The following ABCB9 variants were observed in gnomAD, a reference collection of about 807,000 sequenced individuals.
The protein encoded by ABCB9 is ABC-type oligopeptide transporter ABCB9.
ABCB9 carries 36 observed loss-of-function variants against 62.0 expected under a neutral mutation model. The observed-to-expected ratio is 0.58, with a 90% CI of 0.45 to 0.77. The LOEUF is 0.77. Among genes scored for constraint, ABCB9 ranks in the 30% least tolerant of loss-of-function variants. The pLI is 0.00. For missense variants in ABCB9, 943 were observed against 1,054.7 expected, an observed-to-expected ratio of 0.89 and a Z score of 1.47; for synonymous variants, 435 against 461.4, an observed-to-expected ratio of 0.94 and a Z score of 0.73.
At chr12:122,942,696 C>G (rs1160488453) in intron 7 of ABCB9, among the ~76,000 whole-genome samples, 1 of 151,154 alleles carries the variant, frequency 6.6e-6, no homozygotes, top group African/African-American at 2.4e-5. Flanking sequence ...CCCAGCTACT[C>G]AAGTGGCTAA....
At chr12:122,936,733 T>C (rs895955696) in intron 9 of ABCB9, among the ~76,000 whole-genome samples, 2 of 151,830 alleles carry the variant, frequency 1.3e-5, no homozygotes, top group African/African-American at 4.8e-5. Context: ...GGAGAAACTC[T>C]GTCTCTACTA....
intron 1 of ABCB9, chr12:122,973,311 T>C (rs1261317363): frequency 6.6e-6 from 1 of 152,130 alleles, no homozygotes; most frequent in African/African-American, 2.4e-5. Context: ...ACGCCTGTAA[T>C]CCCAGCACTT....
At chr12:122,935,182 A>G in intron 10 of ABCB9, 90 bp downstream of exon 10, 1 of 1,394,492 alleles carries the variant, frequency 7.2e-7, no homozygotes, top group Non-Finnish European at 9.4e-7. Context: ...AAAAAAGAGC[A>G]GGTGGCAGGG....
At position 122,944,644 on chromosome 12, in the gene ABCB9, G is replaced by A. The variant is rs1296948928; in HGVS notation, c.1252-125C>T. The A allele has an allele frequency of 7.3e-7, 1 of 1,374,840 alleles. No homozygotes were observed. The highest frequency in any genetic ancestry group is 9.8e-7 in the Non-Finnish European group (1 of 1,020,628). The allele number at this position is 1,374,840 out of a possible 1,614,324, so 85.2% of individuals were successfully genotyped here. A position where few individuals can be genotyped will look rare whatever the true frequency, so the allele number is the denominator to read the frequency against. On this transcript the variant is annotated intron_variant, in intron 6 of 11. Transcript: ENST00000280560. This position sits in a 1 kb window ranked among gnomAD's most constrained non-coding sequence, Gnocchi z 4.9. ...GACCCAGCCACAAACTGAAATGCCG[G>A]CCGTTGGCAGGGGTGTCTTCCAAGG...
At chr12:122,939,945 T>A in intron 9 of ABCB9, 166 bp downstream of exon 9, 1 of 998,624 alleles carries the variant, frequency 1.0e-6, no homozygotes, top group East Asian at 2.8e-5. Context: ...AGCCACCACG[T>A]CTGGACAAGA....
chr12:122,949,550 G>C (rs1286664108), intron 4 of ABCB9, among the ~76,000 whole-genome samples: 1 of 152,202 alleles, frequency 6.6e-6, no homozygotes, highest in African/African-American at 2.4e-5. Flanking sequence ...CTCCTGCAGG[G>C]ACCTCGGGTG....
At chr12:122,935,850 A>C (rs893484166) in intron 9 of ABCB9, among the ~76,000 whole-genome samples, 1 of 152,202 alleles carries the variant, frequency 6.6e-6, no homozygotes, top group Admixed American at 6.5e-5. Flanking sequence ...CCTCCCTTCT[A>C]AGAGAACAAT....
chr12:122,947,587 TGCCTGTCTGAACCCA>T lies in ABCB9; in HGVS notation c.1053+1022_1053+1036del. 1 of 382,764 alleles carries T rather than the reference TGCCTGTCTGAACCCA, an allele frequency of 2.6e-6. No individual in the cohort carries two copies. Among genetic ancestry groups the T allele is most frequent in the Non-Finnish European group, 5.4e-6 (1 of 184,576 alleles). 23.7% of individuals were successfully genotyped at this position (382,764 alleles called of 1,614,324 possible). On this transcript the variant is annotated intron_variant, in intron 5 of 11. Coordinates refer to ENST00000280560, the MANE Select transcript of ABCB9 (RefSeq NM_019625.4). This position sits in a 1 kb window ranked among gnomAD's most constrained non-coding sequence, Gnocchi z 6.0. Reference sequence around the variant, plus strand: ...TGTACCTGTCACAGGGTCACAGCCCTGCCTGTCTGAACCCAGCCTGTCTGTCCCTTAGGGCTCGGG... The same window carrying T: ...TGTACCTGTCACAGGGTCACAGCCCTGCCTGTCTGTCCCTTAGGGCTCGGG...
chr12:122,965,909 C>T (rs2037147362), intron 1 of ABCB9, among the ~76,000 whole-genome samples: 1 of 152,230 alleles, frequency 6.6e-6, no homozygotes, highest in Admixed American at 6.5e-5. Context: ...CTGCCAAAGC[C>T]CTGGTGCTCA....
At chr12:122,954,210 T>G (rs1246896551) in intron 2 of ABCB9, among the ~76,000 whole-genome samples, 1 of 151,946 alleles carries the variant, frequency 6.6e-6, no homozygotes, top group East Asian at 1.9e-4. Flanking sequence ...TTTTATGTAT[T>G]TTTTTTATTT....
At position 122,964,967 on chromosome 12, in the gene ABCB9, T is replaced by C. The variant is rs889909340; in HGVS notation, c.-88+1320A>G. Among the ~76,000 whole-genome samples, 3 of 152,112 alleles carry C rather than the reference T, an allele frequency of 2.0e-5. No homozygotes were observed. The highest frequency in any genetic ancestry group is 4.4e-5 in the Non-Finnish European group (3 of 68,018). ...AAGGCCAGAAGACGATAGATAGCAG[T>C]TATTATGACGCTGCAACAGAGACCC... On this transcript the variant is annotated intron_variant, in intron 1 of 11. Coordinates refer to ENST00000280560, the MANE Select transcript of ABCB9 (RefSeq NM_019625.4). The surrounding 1 kb of genome is among the most constrained non-coding windows in gnomAD (Gnocchi z 4.7).
Position 122,940,370 on chromosome 12 carries a change from C to G in ABCB9, c.1570-86G>C. The stretch of plus-strand genomic sequence containing the variant: ...CTGACCTTGGACACAGGTGGGTGCC[C>G]TTCCCAGCCCACCCCATGTGCCTCT... On this transcript the variant is annotated intron_variant, in intron 8 of 11. Coordinates refer to ENST00000280560, the MANE Select transcript of ABCB9 (RefSeq NM_019625.4). The surrounding 1 kb of genome is among the most constrained non-coding windows in gnomAD (Gnocchi z 4.8). The G allele has an allele frequency of 6.8e-7, 1 of 1,460,554 alleles. No homozygotes were observed. The highest frequency in any genetic ancestry group is 2.3e-5 in the East Asian group (1 of 42,736). 90.5% of individuals were successfully genotyped at this position (1,460,554 alleles called of 1,614,324 possible). A position where few individuals can be genotyped will look rare whatever the true frequency, so the allele number is the denominator to read the frequency against.
intron 7 of ABCB9, among the ~76,000 whole-genome samples, chr12:122,941,540 C>G (rs2035763000): frequency 6.6e-6 from 1 of 151,990 alleles, no homozygotes; most frequent in South Asian, 2.1e-4. Context: ...AACTCCTGAC[C>G]TTAAGTGATC....
chr12:122,946,014 G>T lies in ABCB9; in HGVS notation c.1251+11C>A. 1 of 1,612,774 alleles carries T rather than the reference G, an allele frequency of 6.2e-7. No homozygotes were observed. Among genetic ancestry groups the T allele is most frequent in the South Asian group, 1.1e-5 (1 of 90,944 alleles). ...CTCCACAGCCAGAGCTGCCTGGCCA[G>T]GGGCACGTACCCCGCTGCCCCAGAC... On this transcript the variant is annotated intron_variant, in intron 6 of 11. Transcript: ENST00000280560.
downstream of ABCB9, among the ~76,000 whole-genome samples, chr12:122,926,210 A>G (rs994641759): frequency 6.6e-6 from 1 of 152,164 alleles, no homozygotes; most frequent in Non-Finnish European, 1.5e-5. Flanking sequence ...CACTAATGAT[A>G]AGTTTTATAT....
chr12:122,944,291 C>A lies in ABCB9; in HGVS notation c.1380+100G>T. On this transcript the variant is annotated intron_variant, in intron 7 of 11. Transcript: ENST00000280560. This position sits in a 1 kb window ranked among gnomAD's most constrained non-coding sequence, Gnocchi z 4.9. ...CTACTTACCTTAGAGAGAAATACCACATTGTCAGAGTCCCTGGAGCCCCGC... is the reference window on the plus strand; with the variant it reads ...CTACTTACCTTAGAGAGAAATACCAAATTGTCAGAGTCCCTGGAGCCCCGC... 6.7e-7 allele frequency: 1 copy of A among 1,491,406 alleles called. No individual in the cohort carries two copies. The highest frequency in any genetic ancestry group is 9.0e-7 in the Non-Finnish European group (1 of 1,107,946). The allele number at this position is 1,491,406 out of a possible 1,614,324, so 92.4% of individuals were successfully genotyped here.
At chr12:122,946,438 G>A (rs2036051500) in intron 5 of ABCB9, 2 of 588,408 alleles carry the variant, frequency 3.4e-6, no homozygotes, top group African/African-American at 3.7e-5. Flanking sequence ...AGGCTCTTGG[G>A]GCAATGGTTT....
intron 9 of ABCB9, among the ~76,000 whole-genome samples, chr12:122,938,899 C>T (rs964955008): frequency 4.0e-5 from 6 of 151,832 alleles, no homozygotes; most frequent in African/African-American, 1.2e-4. Flanking sequence ...CAGCGAGGCA[C>T]GGTGGCTCAC....
intron 2 of ABCB9, chr12:122,952,583 C>T (rs2036417837): frequency 6.6e-6 from 1 of 152,232 alleles, no homozygotes; most frequent in Admixed American, 6.5e-5. Flanking sequence ...TGCAGAGTTC[C>T]ACCCAGCCTG....
Sources: allele counts gnomAD v4.1 joint callset (sites outside exome capture counted in the v4.1 genomes callset), GRCh38; gene constraint gnomAD v4.1.1; non-coding constraint Gnocchi (gnomAD v3.1); transcripts MANE v1.5; gene names NCBI Gene and HGNC (gene_info 2026-07-23, HGNC 2026-07-21).